The following TTC27 variants were observed in gnomAD, a reference collection of about 807,000 sequenced individuals.
TTC27 encodes the protein tetratricopeptide repeat protein 27.
Under a neutral mutation model 115.9 loss-of-function variants are expected in TTC27, and 79 were observed. The ratio of observed to expected loss-of-function variants is 0.68; its 90% CI spans 0.57 to 0.82. TTC27 has a LOEUF of 0.82. Among genes scored for constraint, TTC27 ranks in the 40% least tolerant of loss-of-function variants. The probability of loss-of-function intolerance (pLI) is 0.00; values close to 1 mark genes in which losing one functional copy is unlikely to be tolerated. For synonymous variants in TTC27, 401 were observed against 356.0 expected (o/e 1.13, Z -1.42); for missense variants, 1,054 against 993.1 (o/e 1.06, Z -0.82).
intron 5 of TTC27, among the ~76,000 whole-genome samples, chr2:32,660,519 T>C (rs1287563057): frequency 1.3e-5 from 2 of 152,122 alleles, no homozygotes; most frequent in Non-Finnish European, 2.9e-5. Context: ...ACACTGCATG[T>C]TCTCACTCAT....
intron 8 of TTC27, among the ~76,000 whole-genome samples, 182 bp from the exon 9 acceptor site, chr2:32,678,674 G>A (rs746640135): frequency 1.3e-5 from 2 of 151,972 alleles, no homozygotes; most frequent in South Asian, 2.1e-4. Flanking sequence ...TGATCTGCCC[G>A]CCTCGGCCTC....
At chr2:32,811,397 C>T (rs1038678592) in intron 17 of TTC27, among the ~76,000 whole-genome samples, 176 bp downstream of exon 17, 1 of 152,188 alleles carries the variant, frequency 6.6e-6, no homozygotes, top group Non-Finnish European at 1.5e-5. Context: ...CTGGTTAAAA[C>T]TTGTAACATT....
At chr2:32,763,060 T>G (rs780249163) in intron 13 of TTC27, among the ~76,000 whole-genome samples, 2 of 152,226 alleles carry the variant, frequency 1.3e-5, no homozygotes, top group Non-Finnish European at 2.9e-5. Context: ...CATTATATAA[T>G]TTAGAATTAA....
intron 10 of TTC27, among the ~76,000 whole-genome samples, chr2:32,722,786 G>C (rs1667970583): frequency 6.6e-6 from 1 of 152,174 alleles, no homozygotes; most frequent in African/African-American, 2.4e-5. Flanking sequence ...GTGTCTTAAG[G>C]CCTACAATTC....
At chr2:32,699,584 T>A (rs1037035638) in intron 9 of TTC27, among the ~76,000 whole-genome samples, 1 of 152,226 alleles carries the variant, frequency 6.6e-6, no homozygotes, top group African/African-American at 2.4e-5. Context: ...ATTTCCTGTT[T>A]AGTTTTCTTC....
Position 32,811,170 on chromosome 2 carries a change from T to G in TTC27, c.2145T>G (p.Tyr715Ter). Residue 715 changes from tyrosine to a stop codon, truncating the protein, a stop_gained, in exon 17 of 20, where the codon TAT becomes TAG. Transcript: ENST00000317907. LOFTEE classifies it high-confidence loss of function. ...VTNDGEIWRL[Y>*]AHVYGNGQSE... The stretch of plus-strand genomic sequence containing the variant: ...ATGATGGAGAAATCTGGAGGCTGTA[T>G]GCCCACGTATATGGAAATGGGCAGA... 2 of 1,614,200 alleles carry G rather than the reference T, an allele frequency of 1.2e-6. No homozygotes were observed. Among genetic ancestry groups the G allele is most frequent in the Non-Finnish European group, 1.7e-6 (2 of 1,180,028 alleles).
intron 9 of TTC27, among the ~76,000 whole-genome samples, chr2:32,700,383 C>G (rs1182091548): frequency 1.3e-5 from 2 of 151,946 alleles, no homozygotes; most frequent in Admixed American, 6.6e-5. Context: ...TTTTACAGAG[C>G]CTTTTCCTCA....
At chr2:32,809,683 C>T (rs897652621) in intron 16 of TTC27, among the ~76,000 whole-genome samples, 5 of 152,190 alleles carry the variant, frequency 3.3e-5, no homozygotes, top group African/African-American at 1.2e-4. Context: ...TTTTCTGTGC[C>T]TTCAGATACA....
At chr2:32,807,020 A>T (rs1261611119) in intron 16 of TTC27, among the ~76,000 whole-genome samples, 3 of 152,178 alleles carry the variant, frequency 2.0e-5, no homozygotes, top group African/African-American at 7.2e-5. Flanking sequence ...TAACCAGGTG[A>T]GTCAGAGCAT....
chr2:32,791,777 C>T (rs1361793239), intron 16 of TTC27, among the ~76,000 whole-genome samples: 1 of 152,092 alleles, frequency 6.6e-6, no homozygotes, highest in Non-Finnish European at 1.5e-5. Flanking sequence ...TGTGAGGCTA[C>T]AGCAGGAGGA....
intron 10 of TTC27, among the ~76,000 whole-genome samples, chr2:32,707,639 T>C (rs1196520035): frequency 5.3e-5 from 8 of 152,228 alleles, no homozygotes; most frequent in Admixed American, 5.2e-4. Context: ...TATATTTTAT[T>C]AATTTCTAGA....
At chr2:32,706,576 G>A (rs1338188763) in intron 10 of TTC27, among the ~76,000 whole-genome samples, 1 of 151,750 alleles carries the variant, frequency 6.6e-6, no homozygotes, top group African/African-American at 2.4e-5. Flanking sequence ...TCGCCTTTTT[G>A]TTTTTGAGAC....
chr2:32,701,794 AAAAACACTGATGCCAGCCTGGGCAACAT>A (rs1474948753), intron 9 of TTC27, among the ~76,000 whole-genome samples: 1 of 152,012 alleles, frequency 6.6e-6, no homozygotes. Context: ...GGGTATTTTA[AAAAACACTGATGCCAGCCTGGGCAACAT>A]AGCGAGATCC....
At chr2:32,809,986 G>A (rs540548636) in intron 16 of TTC27, among the ~76,000 whole-genome samples, 16 of 151,972 alleles carry the variant, frequency 1.1e-4, no homozygotes, top group African/African-American at 3.4e-4. Context: ...GCATGGTGGC[G>A]CTCACCTGTA....
At chr2:32,678,601 G>T (rs906114522) in intron 8 of TTC27, among the ~76,000 whole-genome samples, 3 of 151,738 alleles carry the variant, frequency 2.0e-5, no homozygotes, top group Non-Finnish European at 2.9e-5. Flanking sequence ...CTAATTTTTT[G>T]TATTTTTAGT....
chr2:32,773,398 A>C (rs1406625388), intron 13 of TTC27, among the ~76,000 whole-genome samples: 1 of 152,154 alleles, frequency 6.6e-6, no homozygotes, highest in Non-Finnish European at 1.5e-5. Flanking sequence ...GGGGGAAGAG[A>C]TATGCTCCTG....
At chr2:32,628,773 A>T (rs1049827855) in intron 1 of TTC27, among the ~76,000 whole-genome samples, 4 of 143,950 alleles carry the variant, frequency 2.8e-5, no homozygotes, top group Non-Finnish European at 6.0e-5. Flanking sequence ...TTATTTATTT[A>T]TTTATTGAGA....
chr2:32,690,420 TGAAA>T (rs1018028011), intron 9 of TTC27, among the ~76,000 whole-genome samples: 4 of 152,146 alleles, frequency 2.6e-5, no homozygotes, highest in Admixed American at 6.6e-5. Context: ...GAGAAATTTA[TGAAA>T]CTGTACTTAG....
At chr2:32,710,316 T>G (rs1420765320) in intron 10 of TTC27, among the ~76,000 whole-genome samples, 6 of 152,178 alleles carry the variant, frequency 3.9e-5, no homozygotes, top group Admixed American at 1.3e-4. Flanking sequence ...CTTTTAGCCA[T>G]CTCTTTCAGT....
Sources: gnomAD v4.1 joint callset for allele counts (sites outside exome capture counted in the v4.1 genomes callset) on GRCh38, gnomAD v4.1.1 for gene constraint, MANE v1.5 for transcripts, NCBI Gene and HGNC (gene_info 2026-07-23, HGNC 2026-07-21) for gene names.